NAV3: variants seen among roughly 807,000 people sequenced by gnomAD.
NAV3 encodes the protein neuron navigator 3, also known as pore membrane and/or filament interacting like protein 1.
In NAV3, 87 loss-of-function variants were observed where a neutral mutation model predicts 244.7. The ratio of observed to expected loss-of-function variants is 0.36; its 90% CI spans 0.30 to 0.42. NAV3 has a LOEUF of 0.42. Ranked by LOEUF, NAV3 falls within the 20% of genes least tolerant of loss-of-function variation. The pLI is 1.00. For synonymous variants in NAV3, 1,126 were observed against 1,042.2 expected, an observed-to-expected ratio of 1.08 and a Z score of -1.55; for missense variants, 2,663 against 2,893.3, an observed-to-expected ratio of 0.92 and a Z score of 1.83.
chr12:77,603,590 C>T (rs535666074), intron 2 of NAV3, among the ~76,000 whole-genome samples: 268 of 152,160 alleles, frequency 1.8e-3, no homozygotes, highest in Non-Finnish European at 2.6e-3. Flanking sequence ...TGGAATAATG[C>T]ACCTTGATCT....
chr12:77,873,773 T>TATATATAAAA (rs762527287), intron 1 of NAV3, among the ~76,000 whole-genome samples: 1 of 128,624 alleles, frequency 7.8e-6, no homozygotes, highest in East Asian at 2.5e-4. Flanking sequence ...TATATGTATA[T>TATATATAAAA]AACAGCATAT....
chr12:77,691,329 G>GCATATATATATATATA (rs1875005045), intron 2 of NAV3, among the ~76,000 whole-genome samples: 1 of 66,690 alleles, frequency 1.5e-5, no homozygotes, highest in Non-Finnish European at 2.9e-5. Flanking sequence ...AAGTATTTGT[G>GCATATATATATATATA]TATGTGTGTA....
rs555165427 is a variant in NAV3 at position 77,837,977 on chromosome 12, T to G, written c.243+6273T>G. ...TTCCTTCTTGGAGAAGTTGCCTGAT[T>G]GCTGAGGACTGTCAATGCTCCTGTT... is the stretch of plus-strand genomic sequence containing the variant. On this transcript the variant is annotated intron_variant, in intron 1 of 39. Transcript: ENST00000397909. Among the ~76,000 whole-genome samples the G allele has an allele frequency of 4.0e-4, 61 of 152,322 alleles. No homozygotes were observed. The South Asian group carries it at 0.012, about 31-fold the overall frequency.
intron 1 of NAV3, among the ~76,000 whole-genome samples, chr12:77,913,649 G>A (rs575568322): frequency 6.6e-6 from 1 of 150,506 alleles, no homozygotes; most frequent in Non-Finnish European, 1.5e-5. Context: ...AATTCAGGGA[G>A]TGTGTGTGTG....
chr12:77,845,710 A>G (rs1360719174), intron 1 of NAV3, among the ~76,000 whole-genome samples: 1 of 148,350 alleles, frequency 6.7e-6, no homozygotes, highest in East Asian at 2.0e-4. Flanking sequence ...CTGGAGTGCA[A>G]TGTCACGATC....
At chr12:77,712,311 A>G (rs73410459) in intron 2 of NAV3, among the ~76,000 whole-genome samples, 3,802 of 152,236 alleles carry the variant, frequency 0.025, 89 homozygotes, top group African/African-American at 0.06. Flanking sequence ...ATCATTCTAT[A>G]TTTATTGTAT....
intron 2 of NAV3, among the ~76,000 whole-genome samples, chr12:77,675,869 G>C (rs567792980): frequency 6.6e-6 from 1 of 152,172 alleles, no homozygotes; most frequent in East Asian, 1.9e-4. Context: ...TGATCTACCT[G>C]GTTGACACAT....
intron 5 of NAV3, among the ~76,000 whole-genome samples, chr12:77,994,323 T>C (rs1036396867): frequency 1.3e-5 from 2 of 152,218 alleles, no homozygotes; most frequent in Non-Finnish European, 2.9e-5. Flanking sequence ...ATCATTTGGC[T>C]TTCGAAATAA....
intron 2 of NAV3, among the ~76,000 whole-genome samples, chr12:77,727,776 A>G (rs1019996788): frequency 6.6e-6 from 1 of 151,972 alleles, no homozygotes; most frequent in African/African-American, 2.4e-5. Context: ...AAGATAAGTA[A>G]CTTTTCCCAG....
chr12:78,116,790 A>G lies in NAV3; in HGVS notation c.2655A>G (p.Ser885=), dbSNP rs1157244973. The G allele has an allele frequency of 1.2e-6, 2 of 1,601,114 alleles. No individual in the cohort carries two copies. Among genetic ancestry groups the G allele is most frequent in the South Asian group, 2.2e-5 (2 of 89,270 alleles). Residue 885 remains serine (S), a synonymous_variant, in exon 13 of 40, where the codon TCA becomes TCG. Transcript: ENST00000397909. The part of the protein sequence containing the change: ...VDADSWDDSS[S]VSSGLSDTLD... ...CCTTTAGCTGGGATGACAGCAGTTC[A>G]GTGAGCAGTGGTCTCAGTGACACCC...
intron 18 of NAV3, among the ~76,000 whole-genome samples, chr12:78,131,659 T>G (rs1223791985): frequency 1.3e-5 from 2 of 152,198 alleles, no homozygotes; most frequent in Non-Finnish European, 2.9e-5. Flanking sequence ...ACCTTCATTA[T>G]TCCTTAGGAA....
intron 2 of NAV3, among the ~76,000 whole-genome samples, chr12:77,609,754 A>T (rs1487190946): frequency 6.6e-6 from 1 of 152,052 alleles, no homozygotes; most frequent in Non-Finnish European, 1.5e-5. Flanking sequence ...ACCTACCAAC[A>T]TGTGAACCAT....
At chr12:77,933,278 A>T (rs897863056) in intron 1 of NAV3, among the ~76,000 whole-genome samples, 1 of 152,096 alleles carries the variant, frequency 6.6e-6, no homozygotes, top group Non-Finnish European at 1.5e-5. Context: ...TGACTGTTAG[A>T]GTGATTGGGT....
chr12:77,951,952 A>G (rs974301230), intron 3 of NAV3, among the ~76,000 whole-genome samples: 1 of 152,008 alleles, frequency 6.6e-6, no homozygotes, highest in African/African-American at 2.4e-5. Context: ...TAGCATCAGG[A>G]GATACACCTC....
chr12:78,014,974 G>A (rs1246569524), intron 8 of NAV3, among the ~76,000 whole-genome samples: 3 of 151,932 alleles, frequency 2.0e-5, no homozygotes, highest in Non-Finnish European at 2.9e-5. Context: ...GCATTTCCTC[G>A]CACAGCGGTA....
chr12:77,801,938 A>G (rs891225628), intron 2 of NAV3, among the ~76,000 whole-genome samples: 2 of 152,196 alleles, frequency 1.3e-5, no homozygotes, highest in African/African-American at 4.8e-5. Context: ...CATGTATTAC[A>G]TCTCTCTACT....
At chr12:78,081,629 G>C (rs2137833998) in intron 12 of NAV3, among the ~76,000 whole-genome samples, 1 of 152,126 alleles carries the variant, frequency 6.6e-6, no homozygotes, top group South Asian at 2.1e-4. Context: ...AAATAGGCAG[G>C]GGCAAATCTG....
chr12:77,687,742 G>A (rs1369854795), intron 2 of NAV3, among the ~76,000 whole-genome samples: 1 of 152,048 alleles, frequency 6.6e-6, no homozygotes, highest in African/African-American at 2.4e-5. Context: ...GGTTCCATAA[G>A]CCTCTCTCTA....
chr12:77,755,579 T>TTTCCTTTCCTTTCC (rs1565800338), intron 2 of NAV3, among the ~76,000 whole-genome samples: 1 of 12,534 alleles, frequency 8.0e-5, no homozygotes, highest in African/African-American at 5.6e-4. Context: ...TTTCCTTTCC[T>TTTCCTTTCCTTTCC]TTCCTCCCTC....
Sources: allele counts gnomAD v4.1 joint callset (sites outside exome capture counted in the v4.1 genomes callset), GRCh38; gene constraint gnomAD v4.1.1; transcripts MANE v1.5; gene names NCBI Gene and HGNC (gene_info 2026-07-23, HGNC 2026-07-21).